The following NEB variants were observed in gnomAD, a reference collection of about 807,000 sequenced individuals.
The protein encoded by NEB is nemaline myopathy type 2.
In NEB, 512 loss-of-function variants were observed where a neutral mutation model predicts 952.2. The ratio of observed to expected loss-of-function variants is 0.54; its 90% CI spans 0.50 to 0.58. NEB has a LOEUF of 0.58. NEB is among the 20% of genes least tolerant of loss of function. NEB has a pLI of 0.00. For missense variants in NEB, 8,428 were observed against 9,231.1 expected (o/e 0.91, Z 3.56); for synonymous variants, 2,900 against 3,149.8 (o/e 0.92, Z 2.66).
chr2:151,525,190 A>G lies in NEB; in HGVS notation c.22245T>C (p.Ala7415=). ...CACTTTGCTTCTTGGCCACTTCCATAGCATGTTTCACCTCTGGTGGCTCCA... is the reference window on the plus strand; with the variant it reads ...CACTTTGCTTCTTGGCCACTTCCATGGCATGTTTCACCTCTGGTGGCTCCA... The part of the protein sequence containing the change: ...IMLEPPEVKH[A]MEVAKKQSDV... Residue 7415 remains alanine (A), a synonymous_variant, in exon 151 of 182, where the codon GCT becomes GCC. Transcript: ENST00000397345. 1 of 1,613,902 alleles carries G rather than the reference A, an allele frequency of 6.2e-7. No individual in the cohort carries two copies. Among genetic ancestry groups the G allele is most frequent in the Non-Finnish European group, 8.5e-7 (1 of 1,179,774 alleles).
rs563992275 is a variant in NEB at position 151,533,652 on chromosome 2, A to G, written c.21313-106T>C. The G allele has an allele frequency of 1.0e-5, 7 of 680,782 alleles. No homozygotes were observed. In the South Asian group the frequency reaches 1.2e-4, roughly 12 times the overall value. 42.2% of individuals were successfully genotyped at this position (680,782 alleles called of 1,614,324 possible). A position where few individuals can be genotyped will look rare whatever the true frequency, so the allele number is the denominator to read the frequency against. On this transcript the variant is annotated intron_variant, in intron 142 of 181. Coordinates refer to ENST00000397345, the MANE Select transcript of NEB (RefSeq NM_001164508.2). ...TGAGTGAAGAGATGTAGGCATACAC[A>G]CTTTATGTACTCACATATGTGCGGG...
In NEB at chr2:151,687,725, A is replaced by G; in HGVS notation, c.2424T>C (p.Tyr808=). Reference sequence around the variant, plus strand: ...CTTTGCTCTTCTCCCAGTCTTGCTTATAAACATTCTGGACAAGAAAAATTC... The same window carrying G: ...CTTTGCTCTTCTCCCAGTCTTGCTTGTAAACATTCTGGACAAGAAAAATTC... The part of the protein sequence containing the change: ...VNAYNLSDNV[Y]KQDWEKSKAK... The change falls in exon 26 of 182, where the codon TAT becomes TAC. Residue 808 remains tyrosine, a synonymous_variant. Coordinates refer to ENST00000397345, the MANE Select transcript of NEB (RefSeq NM_001164508.2). 6.3e-7 allele frequency: 1 copy of G among 1,582,702 alleles called. No homozygotes were observed.
intron 125 of NEB, 34 bp downstream of exon 125, chr2:151,554,897 T>C (rs1219423406): frequency 1.4e-6 from 2 of 1,381,820 alleles, no homozygotes; most frequent in Non-Finnish European, 1.0e-6. Flanking sequence ...TCAGAATGTA[T>C]CCTAGTCATT....
chr2:151,713,533 G>GT (rs989573342), intron 10 of NEB, among the ~76,000 whole-genome samples: 2 of 152,124 alleles, frequency 1.3e-5, no homozygotes, highest in Admixed American at 6.5e-5. Flanking sequence ...TGAAAGATTA[G>GT]TTTTTTAAAA....
intron 36 of NEB, among the ~76,000 whole-genome samples, chr2:151,673,451 A>G (rs1038707535): frequency 2.7e-5 from 4 of 150,676 alleles, no homozygotes; most frequent in African/African-American, 4.9e-5. Flanking sequence ...AAAAAAAAAG[A>G]AAAAAAAAGA....
chr2:151,687,085 C>T (rs982561328), intron 27 of NEB, among the ~76,000 whole-genome samples: 9 of 151,726 alleles, frequency 5.9e-5, no homozygotes, highest in African/African-American at 2.2e-4. Context: ...TGAAAATTAT[C>T]ATTTTAAAAA....
chr2:151,646,086 T>G, intron 55 of NEB, 44 bp downstream of exon 55: 1 of 1,406,922 alleles, frequency 7.1e-7, no homozygotes, highest in Middle Eastern at 1.8e-4. Context: ...TAGAAACAAT[T>G]AAAATGAGCT....
At chr2:151,608,934 GTT>G (rs2097803358) in intron 81 of NEB, among the ~76,000 whole-genome samples, 1 of 85,892 alleles carries the variant, frequency 1.2e-5, no homozygotes, top group African/African-American at 4.0e-5. Flanking sequence ...AAAAAAAAAA[GTT>G]AAATGTCAAC....
At chr2:151,611,261 G>C (rs1474458230) in intron 78 of NEB, among the ~76,000 whole-genome samples, 1 of 152,136 alleles carries the variant, frequency 6.6e-6, no homozygotes, top group East Asian at 1.9e-4. Context: ...GTGTGATCTT[G>C]AGAAAGGTAC....
intron 62 of NEB, among the ~76,000 whole-genome samples, 186 bp from the exon 63 acceptor site, chr2:151,639,570 T>C (rs2098822019): frequency 6.6e-6 from 1 of 152,252 alleles, no homozygotes; most frequent in African/African-American, 2.4e-5. Context: ...TGCCTTCTAA[T>C]AATCTGAAAT....
At chr2:151,578,454 G>T (rs981918887) in intron 105 of NEB, among the ~76,000 whole-genome samples, 5 of 151,444 alleles carry the variant, frequency 3.3e-5, no homozygotes, top group Admixed American at 6.6e-5. Context: ...GAGGTCAGGG[G>T]TTTGAGACCA....
intron 77 of NEB, among the ~76,000 whole-genome samples, chr2:151,613,801 G>A (rs1360877806): frequency 6.6e-6 from 1 of 152,106 alleles, no homozygotes; most frequent in Non-Finnish European, 1.5e-5. Flanking sequence ...GTGAAGATGT[G>A]CCTGCTTCCC....
chr2:151,568,242 G>C lies in NEB; in HGVS notation c.17737-64C>G, dbSNP rs2096495521. ...GTCAGAAGGGAGGGGTAAGTTGTGT[G>C]CATAATTATCCTACAGTTCCATTAA... On this transcript the variant is annotated intron_variant, in intron 112 of 181. Coordinates refer to ENST00000397345, the MANE Select transcript of NEB (RefSeq NM_001164508.2). 23 of 1,586,058 alleles carry C rather than the reference G, an allele frequency of 1.5e-5. No homozygotes were observed. In the South Asian group the frequency reaches 2.5e-4, roughly 18 times the overall value.
intron 10 of NEB, 26 bp from the exon 11 acceptor site, chr2:151,710,564 A>G: frequency 7.2e-7 from 1 of 1,388,610 alleles, no homozygotes; most frequent in Non-Finnish European, 1.0e-6. Flanking sequence ...AGAAAATAAG[A>G]CAAGCATAAC....
chr2:151,591,618 GA>G (rs1313793263), intron 95 of NEB, among the ~76,000 whole-genome samples, 163 bp from the exon 96 acceptor site: 3 of 152,252 alleles, frequency 2.0e-5, no homozygotes, highest in Non-Finnish European at 4.4e-5. Flanking sequence ...AATTCCAGTA[GA>G]TTTTTAATGA....
rs375127333 is a variant in NEB, at chr2:151,616,012, A to G, written c.11279T>C (p.Ile3760Thr). Residue 3760 changes from isoleucine (I) to threonine (T), a missense_variant, in exon 76 of 182, where the codon ATT (isoleucine) becomes ACT (threonine). Ile to Thr is a moderately conservative substitution (Grantham distance 89, BLOSUM62 -1). Coordinates refer to ENST00000397345, the MANE Select transcript of NEB (RefSeq NM_001164508.2). ...AAAACATCCACTTACATCACTAGCA[A>G]TATCTCTTGAAGCCTTGGCTGCTTG... ...PIQAAKASRD[I>T]ASDYKYKEGY... 2 of 1,610,810 alleles carry G rather than the reference A, an allele frequency of 1.2e-6. No individual in the cohort carries two copies. The highest frequency in any genetic ancestry group is 1.3e-5 in the African/African-American group (1 of 74,798).
intron 9 of NEB, among the ~76,000 whole-genome samples, chr2:151,721,595 T>A (rs1049491531): frequency 1.3e-5 from 2 of 152,256 alleles, no homozygotes; most frequent in Non-Finnish European, 1.5e-5. Context: ...GTTTCATTTT[T>A]AACTTTTTTC....
intron 161 of NEB, 125 bp downstream of exon 161, chr2:151,512,608 C>T (rs1448891170): frequency 2.6e-6 from 2 of 774,554 alleles, no homozygotes. Context: ...GCCACTGCAC[C>T]TGGTGAATCT....
chr2:151,567,484 C>A lies in NEB; in HGVS notation c.17845-5G>T, dbSNP rs373390654. 1.9e-6 allele frequency: 3 copies of A among 1,597,238 alleles called. No individual in the cohort carries two copies. Among genetic ancestry groups the A allele is most frequent in the East Asian group, 2.3e-5 (1 of 44,390 alleles). On this transcript the variant is annotated splice_polypyrimidine_tract_variant and splice_region_variant and intron_variant, in intron 113 of 181. Transcript: ENST00000397345. ...ATGTTCAGCTTTGTATTTCAGCTGG[C>A]GAGAAGAGGAATATAAATTCCATCA...
Sources: allele counts gnomAD v4.1 joint callset (sites outside exome capture counted in the v4.1 genomes callset), GRCh38; gene constraint gnomAD v4.1.1; transcripts MANE v1.5; gene names NCBI Gene and HGNC (gene_info 2026-07-23, HGNC 2026-07-21).